Variants in ROCK1 observed in about 807,000 individuals in gnomAD.
The protein encoded by ROCK1 is rho-associated protein kinase 1.
ROCK1 carries 36 observed loss-of-function variants against 196.8 expected under a neutral mutation model. The ratio of observed to expected loss-of-function variants is 0.18; its 90% CI spans 0.14 to 0.24. ROCK1 has a LOEUF of 0.24. ROCK1 is among the 10% of genes least tolerant of loss of function. The pLI, the probability that ROCK1 is intolerant of heterozygous loss-of-function variation, is 1.00. For missense variants in ROCK1, 920 were observed against 1,562.0 expected (o/e 0.59, Z 6.93); for synonymous variants, 443 against 515.9 (o/e 0.86, Z 1.91).
At chr18:21,052,185 A>C (rs2036209387) in intron 2 of ROCK1, among the ~76,000 whole-genome samples, 1 of 152,226 alleles carries the variant, frequency 6.6e-6, no homozygotes, top group Non-Finnish European at 1.5e-5. Flanking sequence ...GTTCTAATAC[A>C]GGTTTACGTG....
chr18:21,082,136 A>G (rs1437539126), intron 1 of ROCK1, among the ~76,000 whole-genome samples: 1 of 151,660 alleles, frequency 6.6e-6, no homozygotes, highest in Non-Finnish European at 1.5e-5. Context: ...ATGGGGTTTT[A>G]CCATGCTGCC....
Position 20,951,403 on chromosome 18 carries a change from G to T in ROCK1, c.4062-16C>A. On this transcript the variant is annotated splice_polypyrimidine_tract_variant and intron_variant, in intron 32 of 32. Coordinates refer to ENST00000399799, the MANE Select transcript of ROCK1 (RefSeq NM_005406.3). The stretch of plus-strand genomic sequence containing the variant: ...ACATGGTTAACTGTTGAGGGAGGGG[G>T]AAAAAACTAATTTAAGAAATGCACT... The T allele has an allele frequency of 6.3e-7, 1 of 1,584,280 alleles. No homozygotes were observed. The highest frequency in any genetic ancestry group is 8.6e-7 in the Non-Finnish European group (1 of 1,163,188).
intron 1 of ROCK1, among the ~76,000 whole-genome samples, chr18:21,106,070 C>G (rs977231291): frequency 1.3e-5 from 2 of 152,144 alleles, no homozygotes; most frequent in African/African-American, 4.8e-5. Context: ...ATAGTAGTGA[C>G]AAACAGCACA....
At chr18:20,998,272 T>C (rs564628713) in intron 16 of ROCK1, among the ~76,000 whole-genome samples, 1 of 151,962 alleles carries the variant, frequency 6.6e-6, no homozygotes, top group South Asian at 2.1e-4. Flanking sequence ...AAACAAAACA[T>C]ACAAAAGCCA....
intron 22 of ROCK1, among the ~76,000 whole-genome samples, chr18:20,975,717 T>C (rs2035474222): frequency 1.3e-5 from 2 of 152,090 alleles, no homozygotes; most frequent in Non-Finnish European, 2.9e-5. Flanking sequence ...TTCACGCCAT[T>C]CTCCTGCCTC....
intron 9 of ROCK1, among the ~76,000 whole-genome samples, chr18:21,031,414 C>G (rs1293367494): frequency 6.6e-6 from 1 of 151,808 alleles, no homozygotes; most frequent in African/African-American, 2.4e-5. Flanking sequence ...ACCATCCTGG[C>G]TAACATGGTG....
At chr18:20,966,511 G>A (rs2035375568) in intron 27 of ROCK1, among the ~76,000 whole-genome samples, 1 of 152,142 alleles carries the variant, frequency 6.6e-6, no homozygotes, top group South Asian at 2.1e-4. Flanking sequence ...CTGTGGTTCT[G>A]ATGATAAAGT....
chr18:21,027,423 G>A (rs1322486689), intron 10 of ROCK1, among the ~76,000 whole-genome samples: 1 of 152,132 alleles, frequency 6.6e-6, no homozygotes, highest in East Asian at 1.9e-4. Context: ...TGAATGCTCA[G>A]CACACTAAAA....
intron 32 of ROCK1, among the ~76,000 whole-genome samples, chr18:20,952,831 G>C (rs897861772): frequency 6.6e-6 from 1 of 151,840 alleles, no homozygotes; most frequent in Non-Finnish European, 1.5e-5. Flanking sequence ...AAGGGACATG[G>C]ATGAAGCTGG....
At chr18:21,071,119 T>G (rs2143551623) in intron 1 of ROCK1, among the ~76,000 whole-genome samples, 2 of 152,144 alleles carry the variant, frequency 1.3e-5, no homozygotes, top group Non-Finnish European at 2.9e-5. Context: ...TTTCTTTCTT[T>G]GAGGCACTTT....
At chr18:21,082,423 A>G (rs2036490418) in intron 1 of ROCK1, among the ~76,000 whole-genome samples, 1 of 152,198 alleles carries the variant, frequency 6.6e-6, no homozygotes, top group African/African-American at 2.4e-5. Flanking sequence ...TATAGACATA[A>G]AAATGCCCAA....
intron 13 of ROCK1, among the ~76,000 whole-genome samples, chr18:21,008,970 G>A (rs754035255): frequency 5.9e-5 from 9 of 152,054 alleles, no homozygotes; most frequent in Non-Finnish European, 1.3e-4. Context: ...GTAGGTTCAT[G>A]TAAGCACCAC....
At chr18:21,110,195 T>C (rs1461259208) in intron 1 of ROCK1, among the ~76,000 whole-genome samples, 1 of 152,208 alleles carries the variant, frequency 6.6e-6, no homozygotes, top group African/African-American at 2.4e-5. Context: ...AATAACTGTA[T>C]GGTACGTACT....
At position 20,992,906 on chromosome 18, in the gene ROCK1, C is replaced by T; in HGVS notation, c.1917G>A (p.Lys639=). ...CTTTTTCGAGATTATGTTTGAGATG[C>T]TTCACCTCCTCTTGTAAAGATGTAA... is the stretch of plus-strand genomic sequence containing the variant. ...ARITSLQEEV[K]HLKHNLEKVE... The change falls in exon 17 of 33, where the codon AAG becomes AAA. Residue 639 remains lysine (K), a synonymous_variant. Transcript: ENST00000399799. 1 of 1,612,184 alleles carries T rather than the reference C, an allele frequency of 6.2e-7. No individual in the cohort carries two copies. The highest frequency in any genetic ancestry group is 8.5e-7 in the Non-Finnish European group (1 of 1,178,746).
chr18:20,960,131 G>C lies in ROCK1; in HGVS notation c.3423+5C>G. ...CCAGTTAGAAAATAATTAGGTATAT[G>C]GTACCTGTTTCTTCCAGCCATATCG... On this transcript the variant is annotated splice_donor_5th_base_variant and intron_variant, in intron 28 of 32. Coordinates refer to ENST00000399799, the MANE Select transcript of ROCK1 (RefSeq NM_005406.3). 6.4e-7 allele frequency: 1 copy of C among 1,564,130 alleles called. No individual in the cohort carries two copies. The highest frequency in any genetic ancestry group is 1.1e-5 in the South Asian group (1 of 89,932).
chr18:21,016,572 T>C (rs2035864453), intron 12 of ROCK1, among the ~76,000 whole-genome samples: 1 of 152,164 alleles, frequency 6.6e-6, no homozygotes, highest in African/African-American at 2.4e-5. Flanking sequence ...ATATGCAACA[T>C]TTTCACGTGG....
intron 22 of ROCK1, among the ~76,000 whole-genome samples, chr18:20,978,185 T>A (rs996335829): frequency 7.2e-6 from 1 of 138,822 alleles, no homozygotes. Flanking sequence ...CTAGTGAAAA[T>A]AAAAGTTATG....
At chr18:21,074,010 T>C (rs1192380657) in intron 1 of ROCK1, among the ~76,000 whole-genome samples, 1 of 151,790 alleles carries the variant, frequency 6.6e-6, no homozygotes, top group Non-Finnish European at 1.5e-5. Flanking sequence ...GTAAAAAAAA[T>C]AGCTGGGCGT....
intron 9 of ROCK1, among the ~76,000 whole-genome samples, chr18:21,033,854 T>TAAAAAAAAAAAAAAAAAAAAAAAAAA (rs71269004): frequency 9.0e-5 from 3 of 33,462 alleles, no homozygotes; most frequent in African/African-American, 1.1e-4. Flanking sequence ...CCGTTTCTAC[T>TAAAAAAAAAAAAAAAAAAAAAAAAAA]AAAAAAAAAA....
Sources: allele counts gnomAD v4.1 joint callset (sites outside exome capture counted in the v4.1 genomes callset), GRCh38; gene constraint gnomAD v4.1.1; transcripts MANE v1.5; gene names NCBI Gene and HGNC (gene_info 2026-07-23, HGNC 2026-07-21).